The following RETREG1 variants were observed in gnomAD, a reference collection of about 807,000 sequenced individuals.
The protein encoded by RETREG1 is family with sequence similarity 134 member B.
RETREG1 carries 44 observed loss-of-function variants against 54.8 expected under a neutral mutation model. The ratio of observed to expected loss-of-function variants is 0.80; its 90% CI spans 0.63 to 1.03. The LOEUF (loss-of-function observed/expected upper bound fraction) is 1.03, where lower values mean the gene tolerates loss of function less well. Among genes scored for constraint, RETREG1 ranks in the 50% least tolerant of loss-of-function variants. RETREG1 has a pLI of 0.00. For synonymous variants in RETREG1, 217 were observed against 238.5 expected (o/e 0.91, Z 0.83); for missense variants, 554 against 605.1 (o/e 0.92, Z 0.89).
At chr5:16,574,043 G>A (rs889054947) in intron 1 of RETREG1, among the ~76,000 whole-genome samples, 7 of 152,150 alleles carry the variant, frequency 4.6e-5, no homozygotes, top group Admixed American at 2.0e-4. Flanking sequence ...CACAACGCCC[G>A]GCTGGGAAGT....
chr5:16,575,032 G>T (rs367875802), intron 1 of RETREG1, among the ~76,000 whole-genome samples: 1 of 152,222 alleles, frequency 6.6e-6, no homozygotes, highest in East Asian at 1.9e-4. Context: ...CTCAATTCAG[G>T]ATTCATTCTT....
chr5:16,493,917 G>C (rs1046291818), intron 3 of RETREG1, among the ~76,000 whole-genome samples: 1 of 152,142 alleles, frequency 6.6e-6, no homozygotes, highest in African/African-American at 2.4e-5. Flanking sequence ...AATTATTTTT[G>C]TTTGTAGAAT....
intron 3 of RETREG1, among the ~76,000 whole-genome samples, chr5:16,530,495 G>A (rs1740879408): frequency 6.6e-6 from 1 of 152,174 alleles, no homozygotes; most frequent in Non-Finnish European, 1.5e-5. Flanking sequence ...TTAAATAGAT[G>A]ATCTGATGAG....
intron 2 of RETREG1, 61 bp downstream of exon 2, chr5:16,571,935 G>T: frequency 7.8e-7 from 1 of 1,280,448 alleles, no homozygotes; most frequent in Non-Finnish European, 1.1e-6. Context: ...CCTACACAAA[G>T]ATCAGAAATG....
chr5:16,582,944 G>A (rs1742530655), intron 1 of RETREG1, among the ~76,000 whole-genome samples: 1 of 152,116 alleles, frequency 6.6e-6, no homozygotes, highest in Non-Finnish European at 1.5e-5. Flanking sequence ...CCTTCCTTGT[G>A]CCTCTTTGTG....
intron 3 of RETREG1, among the ~76,000 whole-genome samples, chr5:16,526,966 T>G (rs1740733065): frequency 6.6e-6 from 1 of 152,216 alleles, no homozygotes; most frequent in South Asian, 2.1e-4. Context: ...AGCCAATGAC[T>G]GATCAGCACA....
intron 3 of RETREG1, among the ~76,000 whole-genome samples, chr5:16,549,178 G>C (rs1741466243): frequency 6.6e-6 from 1 of 152,070 alleles, no homozygotes; most frequent in Non-Finnish European, 1.5e-5. Flanking sequence ...TAAAATTATC[G>C]ATCCCATATT....
At chr5:16,606,210 C>A (rs1472900212) in intron 1 of RETREG1, among the ~76,000 whole-genome samples, 1 of 152,140 alleles carries the variant, frequency 6.6e-6, no homozygotes, top group African/African-American at 2.4e-5. Flanking sequence ...CAGGAAGGAG[C>A]AATTGCAAGT....
intron 1 of RETREG1, among the ~76,000 whole-genome samples, chr5:16,573,180 CAAAAAAAAAAAAAAAAAAA>C (rs11303408): frequency 2.2e-5 from 1 of 45,146 alleles, no homozygotes; most frequent in Non-Finnish European, 4.0e-5. Context: ...GATTCTGTCT[CAAAAAAAAAAAAAAAAAAA>C]AAAAAAAAAA....
intron 8 of RETREG1, among the ~76,000 whole-genome samples, chr5:16,475,461 G>C (rs1738498406): frequency 6.6e-6 from 1 of 152,046 alleles, no homozygotes; most frequent in African/African-American, 2.4e-5. Flanking sequence ...TCCATATTTA[G>C]CTTTCCTCTT....
intron 3 of RETREG1, among the ~76,000 whole-genome samples, chr5:16,488,759 C>T (rs1262434116): frequency 1.3e-5 from 2 of 152,122 alleles, no homozygotes; most frequent in African/African-American, 2.4e-5. Flanking sequence ...CAGTCCTAAA[C>T]TAAATGCGGC....
rs574743807 is a variant in RETREG1, at chr5:16,513,041, G to C, written c.459-29569C>G. On this transcript the variant is annotated intron_variant, in intron 3 of 8. Coordinates refer to ENST00000306320, the MANE Select transcript of RETREG1 (RefSeq NM_001034850.3). ...TCTGAGCTCTGTGAATTTGCATTTT[G>C]GGCTCTCTGAGTATATTTGAGCACT... Among the ~76,000 whole-genome samples the C allele has an allele frequency of 4.6e-5, 7 of 152,268 alleles. 1 individual carries two copies. Among genetic ancestry groups the C allele is most frequent in the African/African-American group, 1.7e-4 (7 of 41,558 alleles).
intron 3 of RETREG1, among the ~76,000 whole-genome samples, chr5:16,487,289 G>A (rs967342248): frequency 4.6e-5 from 7 of 152,250 alleles, no homozygotes; most frequent in Middle Eastern, 3.4e-3. Flanking sequence ...CACTTTCCAA[G>A]TTCAAAAGGA....
At chr5:16,494,385 T>G (rs984390006) in intron 3 of RETREG1, among the ~76,000 whole-genome samples, 7 of 152,138 alleles carry the variant, frequency 4.6e-5, no homozygotes, top group Admixed American at 2.6e-4. Context: ...TCATGTCAAA[T>G]TGTAGTCCCA....
chr5:16,589,626 A>G (rs1474324199), intron 1 of RETREG1, among the ~76,000 whole-genome samples: 1 of 152,186 alleles, frequency 6.6e-6, no homozygotes, highest in Non-Finnish European at 1.5e-5. Context: ...TCGGCCTCCC[A>G]AAGTGTTGGG....
At chr5:16,576,885 G>A (rs1337742985) in intron 1 of RETREG1, among the ~76,000 whole-genome samples, 2 of 152,154 alleles carry the variant, frequency 1.3e-5, no homozygotes, top group Non-Finnish European at 2.9e-5. Flanking sequence ...AAAGTCCTGG[G>A]ATTATAGGCA....
chr5:16,476,606 T>C (rs1738548381), intron 8 of RETREG1, among the ~76,000 whole-genome samples: 1 of 152,172 alleles, frequency 6.6e-6, no homozygotes, highest in Non-Finnish European at 1.5e-5. Context: ...TGCAAGGACA[T>C]GGATGGAGCT....
intron 3 of RETREG1, among the ~76,000 whole-genome samples, chr5:16,507,285 G>C (rs1451098266): frequency 6.6e-6 from 1 of 152,138 alleles, no homozygotes; most frequent in African/African-American, 2.4e-5. Context: ...TATTAAAAAT[G>C]CCTGTTCTGT....
At chr5:16,530,812 G>T (rs1298578046) in intron 3 of RETREG1, among the ~76,000 whole-genome samples, 1 of 151,892 alleles carries the variant, frequency 6.6e-6, no homozygotes, top group Non-Finnish European at 1.5e-5. Context: ...GGCGGAGGTT[G>T]CAGTGGCCCA....
Sources: gnomAD v4.1 joint callset for allele counts (sites outside exome capture counted in the v4.1 genomes callset) on GRCh38, gnomAD v4.1.1 for gene constraint, MANE v1.5 for transcripts, NCBI Gene and HGNC (gene_info 2026-07-23, HGNC 2026-07-21) for gene names.